The following DAB1 variants were observed in gnomAD, a reference collection of about 807,000 sequenced individuals.
DAB1 encodes the protein disabled homolog 1.
A neutral mutation model predicts 64.6 loss-of-function variants in DAB1; 15 were observed. The observed-to-expected ratio is 0.23, with a 90% CI of 0.16 to 0.36. The LOEUF (loss-of-function observed/expected upper bound fraction) is 0.36. Among genes scored for constraint, DAB1 ranks in the 10% least tolerant of loss-of-function variants. The pLI is 1.00. For missense variants in DAB1, 596 were observed against 706.7 expected (o/e 0.84, Z 1.78); for synonymous variants, 235 against 251.9 (o/e 0.93, Z 0.64).
At chr1:57,831,219 C>T (rs1652572939) in intron 1 of DAB1, among the ~76,000 whole-genome samples, 1 of 152,092 alleles carries the variant, frequency 6.6e-6, no homozygotes, top group South Asian at 2.1e-4. Context: ...AGCCATGTTG[C>T]TGTATTTTTG....
chr1:58,151,462 ATG>A (rs1284515172), intron 4 of DAB1, among the ~76,000 whole-genome samples: 1 of 152,150 alleles, frequency 6.6e-6, no homozygotes, highest in Non-Finnish European at 1.5e-5. Context: ...GCATTTTTTC[ATG>A]TGTCTGTTGG....
At chr1:57,492,815 C>T (rs1644180485) in intron 7 of DAB1, among the ~76,000 whole-genome samples, 1 of 152,190 alleles carries the variant, frequency 6.6e-6, no homozygotes, top group South Asian at 2.1e-4. Flanking sequence ...CCACACCAGG[C>T]TTTCTTAAGC....
In DAB1 at chr1:57,799,907, C is replaced by T. The variant is rs138612552; in HGVS notation, n.551+84092G>A. On this transcript the variant is annotated intron_variant and non_coding_transcript_variant, in intron 6 of 20. Transcript: ENST00000485760. ...AGAAATGAGTAGTGACAACAGAAACCATGGGGCCCACAAAGCCTAAATATT... is the reference window on the plus strand; with the variant it reads ...AGAAATGAGTAGTGACAACAGAAACTATGGGGCCCACAAAGCCTAAATATT... 2.7e-3 allele frequency among the ~76,000 whole-genome samples: 406 copies of T among 152,256 alleles called. 1 individual carries two copies. Among genetic ancestry groups the T allele is most frequent in the African/African-American group, 9.2e-3 (382 of 41,544 alleles).
intron 1 of DAB1, among the ~76,000 whole-genome samples, chr1:57,398,983 C>T (rs1305522636): frequency 6.6e-6 from 1 of 152,204 alleles, no homozygotes; most frequent in East Asian, 1.9e-4. Flanking sequence ...CAGTCCGACT[C>T]CTGGCCGGGC....
chr1:57,610,498 C>G (rs1040519237), intron 7 of DAB1, among the ~76,000 whole-genome samples: 1 of 152,196 alleles, frequency 6.6e-6, no homozygotes, highest in African/African-American at 2.4e-5. Context: ...AGTCTGGTTC[C>G]AGAACCTAGG....
chr1:57,864,744 A>C (rs1288238830), intron 1 of DAB1: 1 of 150,858 alleles, frequency 6.6e-6, no homozygotes, highest in African/African-American at 2.4e-5. Flanking sequence ...CTGGTATCGA[A>C]CTCTGTTGCC....
intron 1 of DAB1, among the ~76,000 whole-genome samples, chr1:57,412,801 G>T (rs1172614002): frequency 1.3e-5 from 2 of 152,252 alleles, no homozygotes; most frequent in African/African-American, 4.8e-5. Context: ...AGGTGAAGCA[G>T]TAAGTGCTGA....
At chr1:57,639,620 T>A (rs574251920) in intron 7 of DAB1, among the ~76,000 whole-genome samples, 1 of 152,280 alleles carries the variant, frequency 6.6e-6, no homozygotes, top group East Asian at 1.9e-4. Context: ...GTCCATGAAC[T>A]AAGGCAAAGG....
At chr1:57,640,509 A>G (rs1342665577) in intron 7 of DAB1, among the ~76,000 whole-genome samples, 1 of 152,166 alleles carries the variant, frequency 6.6e-6, no homozygotes, top group Admixed American at 6.5e-5. Context: ...CACACAGCTA[A>G]CAAGTGGCAA....
chr1:57,332,211 G>C (rs1045419442), intron 1 of DAB1, among the ~76,000 whole-genome samples: 5 of 152,116 alleles, frequency 3.3e-5, no homozygotes, highest in Non-Finnish European at 7.4e-5. Context: ...TAATCTGCCC[G>C]CCTTGGCCTC....
At chr1:58,039,721 A>G (rs1458418754) in intron 5 of DAB1, among the ~76,000 whole-genome samples, 1 of 152,164 alleles carries the variant, frequency 6.6e-6, no homozygotes, top group Non-Finnish European at 1.5e-5. Flanking sequence ...TGAAGAGTAC[A>G]GGGGTCAGAA....
chr1:57,890,178 T>C (rs1644289847), intron 5 of DAB1, among the ~76,000 whole-genome samples: 1 of 152,060 alleles, frequency 6.6e-6, no homozygotes, highest in African/African-American at 2.4e-5. Flanking sequence ...ACTGGAGCCA[T>C]AGCAGATCTG....
In DAB1 at chr1:57,764,514, C is replaced by T. The variant is rs562142156; in HGVS notation, n.552-114849G>A. Among the ~76,000 whole-genome samples the T allele has an allele frequency of 2.0e-5, 3 of 152,296 alleles. No individual in the cohort carries two copies. In the South Asian group the frequency reaches 6.2e-4, roughly 32 times the overall value. The stretch of plus-strand genomic sequence containing the variant: ...TCCTACAATGATGAATATAGGAACA[C>T]TGGAACTTATTTCTGCTATCTGGCC... On this transcript the variant is annotated intron_variant and non_coding_transcript_variant, in intron 6 of 20. Coordinates refer to the DAB1 transcript ENST00000485760.
At chr1:57,553,432 A>AAGAAAG (rs1644942904) in intron 7 of DAB1, among the ~76,000 whole-genome samples, 1 of 17,384 alleles carries the variant, frequency 5.8e-5, no homozygotes, top group African/African-American at 7.6e-5. Context: ...GAAAGAAAGA[A>AAGAAAG]AGAAAGAAAG....
chr1:57,377,269 T>TAAA (rs745487315), intron 1 of DAB1, among the ~76,000 whole-genome samples: 4 of 137,216 alleles, frequency 2.9e-5, no homozygotes, highest in Admixed American at 7.4e-5. Context: ...GACTCCATCT[T>TAAA]AAAAAAAAAA....
At chr1:57,872,693 G>T (rs1643973531) in intron 1 of DAB1, among the ~76,000 whole-genome samples, 1 of 152,042 alleles carries the variant, frequency 6.6e-6, no homozygotes, top group Non-Finnish European at 1.5e-5. Context: ...GTACCAGAGG[G>T]GTATGGTCAG....
chr1:58,374,121 T>C (rs1644299583), intron 3 of DAB1, among the ~76,000 whole-genome samples: 1 of 81,934 alleles, frequency 1.2e-5, no homozygotes, highest in South Asian at 4.6e-4. Flanking sequence ...TTCTCCCGTG[T>C]TGTAGGTTGC....
chr1:58,151,863 A>T (rs1271564134), intron 4 of DAB1, among the ~76,000 whole-genome samples: 1 of 152,226 alleles, frequency 6.6e-6, no homozygotes, highest in Non-Finnish European at 1.5e-5. Context: ...ATCCATTGGA[A>T]GAACGGTTGA....
At chr1:57,498,361 T>C (rs558322076) in intron 7 of DAB1, among the ~76,000 whole-genome samples, 19 of 152,212 alleles carry the variant, frequency 1.2e-4, no homozygotes, top group African/African-American at 4.6e-4. Flanking sequence ...GTGCCCATGG[T>C]GGAACCTTAG....
Sources: gnomAD v4.1 joint callset for allele counts (sites outside exome capture counted in the v4.1 genomes callset) on GRCh38, gnomAD v4.1.1 for gene constraint, MANE v1.5 for transcripts, NCBI Gene and HGNC (gene_info 2026-07-23, HGNC 2026-07-21) for gene names.